Variants in DENND6A observed in about 807,000 individuals in gnomAD.
DENND6A encodes the protein DENN domain containing 6A.
DENND6A carries 43 observed loss-of-function variants against 95.5 expected under a neutral mutation model. The ratio of observed to expected loss-of-function variants is 0.45; its 90% CI spans 0.35 to 0.58. The LOEUF is 0.58. Ranked by LOEUF, DENND6A falls within the 20% of genes least tolerant of loss-of-function variation. DENND6A has a pLI of 0.00. For synonymous variants in DENND6A, 257 were observed against 260.4 expected (o/e 0.99, Z 0.13); for missense variants, 574 against 736.0 (o/e 0.78, Z 2.55).
intron 1 of DENND6A, among the ~76,000 whole-genome samples, chr3:57,673,213 C>CAA (rs386396751): frequency 0.57 from 40,550 of 70,630 alleles, 10,980 homozygotes; most frequent in East Asian, 0.83. Flanking sequence ...CATTTCGTAT[C>CAA]AAAAAAAAAA....
intron 1 of DENND6A, among the ~76,000 whole-genome samples, chr3:57,686,122 A>T (rs1232117953): frequency 6.6e-6 from 1 of 152,226 alleles, no homozygotes; most frequent in Non-Finnish European, 1.5e-5. Flanking sequence ...CCAATAATAC[A>T]AAAATAGCCT....
Position 57,682,669 on chromosome 3 carries a change from G to GT in DENND6A, c.237+10112dup, listed in dbSNP as rs924950931. ...TAGTCTCTGGACCACTGACTATATG[G>GT]TTTTTTTTGTTTTGTTTTGTTTTTG... On this transcript the variant is annotated intron_variant, in intron 1 of 19. Coordinates refer to ENST00000311128, the MANE Select transcript of DENND6A (RefSeq NM_152678.3). Among the ~76,000 whole-genome samples, 23 of 151,578 alleles carry GT rather than the reference G, an allele frequency of 1.5e-4. No individual in the cohort carries two copies. In the East Asian group the frequency reaches 3.5e-3, roughly 23 times the overall value.
intron 3 of DENND6A, among the ~76,000 whole-genome samples, chr3:57,666,445 C>A (rs2071525754): frequency 6.6e-6 from 1 of 152,214 alleles, no homozygotes; most frequent in Admixed American, 6.5e-5. Context: ...AAACATGCAT[C>A]TTAACTCCTA....
At position 57,646,456 on chromosome 3, in the gene DENND6A, G is replaced by C; in HGVS notation, c.819-18C>G. ...AGAAACACCTGAAAGGTGATGCACAGTAGAAATACTTTTTAATGTAGCCAA... is the reference window on the plus strand; with the variant it reads ...AGAAACACCTGAAAGGTGATGCACACTAGAAATACTTTTTAATGTAGCCAA... On this transcript the variant is annotated intron_variant, in intron 9 of 19. Coordinates refer to ENST00000311128, the MANE Select transcript of DENND6A (RefSeq NM_152678.3). 6.3e-7 allele frequency: 1 copy of C among 1,589,064 alleles called. No individual in the cohort carries two copies. The highest frequency in any genetic ancestry group is 8.5e-7 in the Non-Finnish European group (1 of 1,170,564).
At chr3:57,650,421 TACACACAC>T (rs67472290) in intron 9 of DENND6A, among the ~76,000 whole-genome samples, 5 of 149,974 alleles carry the variant, frequency 3.3e-5, no homozygotes, top group Admixed American at 6.7e-5. Context: ...TGCATTTACA[TACACACAC>T]ACACACACAC....
intron 5 of DENND6A, among the ~76,000 whole-genome samples, chr3:57,663,021 C>A (rs1024522761): frequency 6.6e-6 from 1 of 150,850 alleles, no homozygotes; most frequent in African/African-American, 2.4e-5. Context: ...TGTGAGGTGC[C>A]TGTAATCCCA....
rs2070784869 is a variant in DENND6A, at chr3:57,636,041, T to C, written c.1133-1272A>G. Among the ~76,000 whole-genome samples, 4 of 152,190 alleles carry C rather than the reference T, an allele frequency of 2.6e-5. 1 individual carries two copies. The highest frequency in any genetic ancestry group is 2.6e-4 in the Admixed American group (4 of 15,258). Reference sequence around the variant, plus strand: ...AGCTTACTTTATTATAAGGATACAATATATAATACATAAAACATACAAAAT... The same window carrying C: ...AGCTTACTTTATTATAAGGATACAACATATAATACATAAAACATACAAAAT... On this transcript the variant is annotated intron_variant, in intron 12 of 19. Coordinates refer to ENST00000311128, the MANE Select transcript of DENND6A (RefSeq NM_152678.3).
intron 12 of DENND6A, among the ~76,000 whole-genome samples, chr3:57,638,756 C>A: frequency 6.6e-6 from 1 of 151,700 alleles, no homozygotes; most frequent in Non-Finnish European, 1.5e-5. Flanking sequence ...GAAAATGAAA[C>A]CCACAATAAA....
intron 1 of DENND6A, among the ~76,000 whole-genome samples, chr3:57,691,187 T>C (rs993371245): frequency 3.3e-5 from 5 of 152,262 alleles, no homozygotes; most frequent in African/African-American, 1.2e-4. Flanking sequence ...ATTCTTATGC[T>C]TTCTGGTTAA....
In DENND6A at chr3:57,693,044, G is replaced by A. The variant is rs72874861; in HGVS notation, c.-26C>T. 2 of 1,372,408 alleles carry A rather than the reference G, an allele frequency of 1.5e-6. No homozygotes were observed. The highest frequency in any genetic ancestry group is 3.0e-5 in the East Asian group (1 of 32,934). 85.0% of individuals were successfully genotyped at this position (1,372,408 alleles called of 1,614,324 possible). A position where few individuals can be genotyped will look rare whatever the true frequency, so the allele number is the denominator to read the frequency against. Reference sequence around the variant, plus strand: ...CGGCCGCCCCCTGACCGTTCGCGCCGCCTCCACAGCGGACCGCGCCGCAGA... The same window carrying A: ...CGGCCGCCCCCTGACCGTTCGCGCCACCTCCACAGCGGACCGCGCCGCAGA... On this transcript the variant is annotated 5_prime_UTR_variant, in exon 1 of 20. Transcript: ENST00000311128.
At chr3:57,636,417 C>A (rs1420022897) in intron 12 of DENND6A, among the ~76,000 whole-genome samples, 1 of 152,026 alleles carries the variant, frequency 6.6e-6, no homozygotes, top group Admixed American at 6.6e-5. Context: ...TAAGTAAATG[C>A]AAGATACTGG....
intron 1 of DENND6A, among the ~76,000 whole-genome samples, chr3:57,681,341 G>C (rs2077162578): frequency 1.3e-5 from 2 of 152,050 alleles, no homozygotes; most frequent in Non-Finnish European, 2.9e-5. Flanking sequence ...GCGGGCACCT[G>C]TAGTCCCAGC....
chr3:57,669,995 G>C (rs1172718993), intron 3 of DENND6A, among the ~76,000 whole-genome samples: 1 of 147,510 alleles, frequency 6.8e-6, no homozygotes, highest in African/African-American at 2.6e-5. Context: ...ACTCCAGCCT[G>C]GGTGACAGAG....
intron 12 of DENND6A, 84 bp downstream of exon 12, chr3:57,641,569 A>T (rs543296015): frequency 3.3e-6 from 4 of 1,225,772 alleles, no homozygotes; most frequent in Non-Finnish European, 4.5e-6. Flanking sequence ...TGCCATCAAC[A>T]TAAAAAATAA....
chr3:57,673,631 C>T (rs2071658250), intron 1 of DENND6A, among the ~76,000 whole-genome samples: 1 of 152,180 alleles, frequency 6.6e-6, no homozygotes, highest in South Asian at 2.1e-4. Flanking sequence ...GATGGATATC[C>T]CAATAACTCT....
chr3:57,650,747 G>A (rs1337341283), intron 9 of DENND6A, among the ~76,000 whole-genome samples: 1 of 151,726 alleles, frequency 6.6e-6, no homozygotes, highest in Non-Finnish European at 1.5e-5. Flanking sequence ...TGCATCAAAA[G>A]GTGAATGGAT....
intron 9 of DENND6A, among the ~76,000 whole-genome samples, chr3:57,649,586 T>G (rs1186499699): frequency 6.6e-6 from 1 of 150,978 alleles, no homozygotes. Flanking sequence ...AATGCACAAT[T>G]GCAAAAATAT....
rs148923065 is a variant in DENND6A at position 57,692,539 on chromosome 3, A to C, written c.237+243T>G. 8.5e-5 allele frequency among the ~76,000 whole-genome samples: 13 copies of C among 152,326 alleles called. No homozygotes were observed. The East Asian group carries it at 2.5e-3, about 29-fold the overall frequency. On this transcript the variant is annotated intron_variant, in intron 1 of 19. Transcript: ENST00000311128. ...TTAAAAGAAATAAAGAAAGAACAGG[A>C]TGAACATCAACAAGTATTTAGGAGG...
intron 1 of DENND6A, among the ~76,000 whole-genome samples, chr3:57,673,164 A>T (rs2153416484): frequency 6.9e-6 from 1 of 144,578 alleles, no homozygotes; most frequent in South Asian, 2.3e-4. Context: ...CAGTGAGCTG[A>T]GATTACGCCA....
Sources: allele counts gnomAD v4.1 joint callset (sites outside exome capture counted in the v4.1 genomes callset), GRCh38; gene constraint gnomAD v4.1.1; transcripts MANE v1.5; gene names NCBI Gene and HGNC (gene_info 2026-07-23, HGNC 2026-07-21).